RANBP17: variants seen among roughly 807,000 people sequenced by gnomAD.
RANBP17 encodes the protein ran-binding protein 17.
Under a neutral mutation model 141.2 loss-of-function variants are expected in RANBP17, and 158 were observed. That is an observed-to-expected ratio of 1.12 (90% CI 0.98 to 1.28). The LOEUF (loss-of-function observed/expected upper bound fraction) is 1.28. Among genes scored for constraint, RANBP17 ranks in the 50% most tolerant of loss-of-function variants. The pLI, the probability that RANBP17 is intolerant of heterozygous loss-of-function variation, is 0.00. For synonymous variants in RANBP17, 430 were observed against 450.0 expected (o/e 0.96, Z 0.56); for missense variants, 1,438 against 1,290.7 (o/e 1.11, Z -1.75).
intron 24 of RANBP17, among the ~76,000 whole-genome samples, chr5:171,260,008 A>C (rs1248626468): frequency 6.6e-6 from 1 of 151,094 alleles, no homozygotes; most frequent in African/African-American, 2.4e-5. Flanking sequence ...TAAAATAAAA[A>C]TAAAAATTAG....
At chr5:171,175,502 T>C (rs1271816680) in intron 16 of RANBP17, among the ~76,000 whole-genome samples, 1 of 152,094 alleles carries the variant, frequency 6.6e-6, no homozygotes, top group Non-Finnish European at 1.5e-5. Context: ...ACAGGCAGCC[T>C]ACAGAATGGG....
intron 25 of RANBP17, among the ~76,000 whole-genome samples, chr5:171,274,842 G>C (rs1767391077): frequency 6.6e-6 from 1 of 152,126 alleles, no homozygotes; most frequent in Non-Finnish European, 1.5e-5. Flanking sequence ...GCTAAGAGAA[G>C]ATTATATCAT....
At chr5:171,294,699 G>C (rs1481510513) in intron 26 of RANBP17, among the ~76,000 whole-genome samples, 1 of 152,192 alleles carries the variant, frequency 6.6e-6, no homozygotes, top group African/African-American at 2.4e-5. Context: ...CACCTGTGCT[G>C]AAGTATCCAA....
intron 5 of RANBP17, chr5:170,903,673 G>T: frequency 3.5e-6 from 1 of 285,908 alleles, no homozygotes; most frequent in Non-Finnish European, 7.3e-6. Context: ...TGAGCAAGCA[G>T]ACTGTGTGTT....
chr5:171,237,854 T>C (rs1764635257), intron 22 of RANBP17, among the ~76,000 whole-genome samples: 1 of 152,178 alleles, frequency 6.6e-6, no homozygotes, highest in Admixed American at 6.5e-5. Flanking sequence ...AGGGATATCA[T>C]ACCTAGAGAG....
In RANBP17 at chr5:171,240,795, TA is replaced by T. The variant is rs572512476; in HGVS notation, c.2423-124del. ...TATTTATATTTTTTATTACAATGAATAAAAAAAAATTCTTAAAAATATGCTG... is the reference window on the plus strand; with the variant it reads ...TATTTATATTTTTTATTACAATGAATAAAAAAAATTCTTAAAAATATGCTG... On this transcript the variant is annotated intron_variant, in intron 22 of 27. Transcript: ENST00000523189. The T allele has an allele frequency of 3.5e-3, 2,063 of 585,054 alleles. 48 individuals are homozygous for T. In the South Asian group the frequency reaches 0.037, roughly 10 times the overall value. The allele number at this position is 585,054 out of a possible 1,614,324, so 36.2% of individuals were successfully genotyped here.
In RANBP17 at chr5:171,058,623, T is replaced by C. The variant is rs200869889; in HGVS notation, c.1710+90246T>C. ...TTTGAATAGTGCCACAATAAACATATGTGTGCATGTGTCTTTATAGCAGCA... is the reference window on the plus strand; with the variant it reads ...TTTGAATAGTGCCACAATAAACATACGTGTGCATGTGTCTTTATAGCAGCA... On this transcript the variant is annotated intron_variant, in intron 14 of 27. Coordinates refer to ENST00000523189, the MANE Select transcript of RANBP17 (RefSeq NM_022897.5). Among the ~76,000 whole-genome samples, 18 of 150,640 alleles carry C rather than the reference T, an allele frequency of 1.2e-4. No homozygotes were observed. In the South Asian group the frequency reaches 1.9e-3, roughly 16 times the overall value.
intron 14 of RANBP17, among the ~76,000 whole-genome samples, chr5:171,151,725 G>A (rs1758497770): frequency 6.6e-6 from 1 of 152,110 alleles, no homozygotes; most frequent in Non-Finnish European, 1.5e-5. Context: ...ACCTAGCAGT[G>A]GTAATCGCCT....
At chr5:171,169,070 T>G (rs1365684465) in intron 14 of RANBP17, among the ~76,000 whole-genome samples, 1 of 152,096 alleles carries the variant, frequency 6.6e-6, no homozygotes, top group Non-Finnish European at 1.5e-5. Context: ...GAAAAGAAAT[T>G]TCTACAATGG....
intron 18 of RANBP17, among the ~76,000 whole-genome samples, chr5:171,185,338 G>T (rs1761163170): frequency 1.3e-5 from 2 of 152,286 alleles, no homozygotes; most frequent in Admixed American, 1.3e-4. Flanking sequence ...TTTCTTAAAA[G>T]AAGACGACAA....
chr5:170,883,361 A>G (rs1284676422), intron 3 of RANBP17, among the ~76,000 whole-genome samples: 1 of 152,216 alleles, frequency 6.6e-6, no homozygotes, highest in African/African-American at 2.4e-5. Flanking sequence ...CCCTTCTGCC[A>G]CACACGCACA....
chr5:171,031,501 A>T (rs1781547227), intron 14 of RANBP17, among the ~76,000 whole-genome samples: 1 of 152,026 alleles, frequency 6.6e-6, no homozygotes, highest in South Asian at 2.1e-4. Context: ...GCCAGGCATT[A>T]TGGAGATGAT....
At chr5:171,141,376 C>G (rs979917661) in intron 14 of RANBP17, among the ~76,000 whole-genome samples, 9 of 150,258 alleles carry the variant, frequency 6.0e-5, no homozygotes, top group African/African-American at 2.2e-4. Flanking sequence ...GTGGGCGGAT[C>G]ACAAGGTCAG....
chr5:170,933,379 A>ATT (rs376853908), intron 12 of RANBP17, among the ~76,000 whole-genome samples: 4 of 151,806 alleles, frequency 2.6e-5, no homozygotes, highest in Non-Finnish European at 5.9e-5. Context: ...GGATTCATTG[A>ATT]TTTTTTTGAA....
At chr5:170,925,215 T>C (rs899027868) in intron 12 of RANBP17, among the ~76,000 whole-genome samples, 2 of 152,178 alleles carry the variant, frequency 1.3e-5, no homozygotes, top group African/African-American at 2.4e-5. Flanking sequence ...TAAGAGATCA[T>C]AATCAAATTT....
At chr5:170,862,110 C>T (rs1766834167) in intron 1 of RANBP17, 59 bp downstream of exon 1, 6 of 1,402,700 alleles carry the variant, frequency 4.3e-6, no homozygotes, top group Non-Finnish European at 5.5e-6. Context: ...CGGCGGGACG[C>T]GTCTGGAGAC....
intron 5 of RANBP17, among the ~76,000 whole-genome samples, chr5:170,907,543 G>A (rs1287999246): frequency 2.0e-5 from 3 of 151,928 alleles, no homozygotes; most frequent in Non-Finnish European, 4.4e-5. Flanking sequence ...TGTGTAGAAA[G>A]TGCTCAGTAC....
intron 14 of RANBP17, among the ~76,000 whole-genome samples, chr5:171,069,994 A>G (rs1210654390): frequency 4.6e-5 from 7 of 152,216 alleles, no homozygotes; most frequent in Non-Finnish European, 1.0e-4. Flanking sequence ...ATTATCAAGA[A>G]TATAAAATTA....
chr5:171,147,341 G>T (rs1371815284), intron 14 of RANBP17, among the ~76,000 whole-genome samples: 8 of 127,062 alleles, frequency 6.3e-5, no homozygotes, highest in African/African-American at 2.7e-4. Flanking sequence ...TGGTTGTTTT[G>T]TGTGTGTGTG....
Sources: gnomAD v4.1 joint callset for allele counts (sites outside exome capture counted in the v4.1 genomes callset) on GRCh38, gnomAD v4.1.1 for gene constraint, MANE v1.5 for transcripts, NCBI Gene and HGNC (gene_info 2026-07-23, HGNC 2026-07-21) for gene names.